CACHD1: variants seen among roughly 807,000 people sequenced by gnomAD.
The protein encoded by CACHD1 is VWFA and cache domain-containing protein 1.
Under a neutral mutation model 138.7 loss-of-function variants are expected in CACHD1, and 71 were observed. The ratio of observed to expected loss-of-function variants is 0.51; its 90% confidence interval spans 0.42 to 0.62. CACHD1 has a LOEUF of 0.62. Among genes scored for constraint, CACHD1 ranks in the 20% least tolerant of loss-of-function variants. The pLI, the probability that CACHD1 is intolerant of heterozygous loss-of-function variation, is 0.00. For missense variants in CACHD1, 1,389 were observed against 1,625.3 expected (o/e 0.85, Z 2.50); for synonymous variants, 578 against 591.5 (o/e 0.98, Z 0.33).
intron 2 of CACHD1, among the ~76,000 whole-genome samples, chr1:64,574,616 C>T (rs2100519376): frequency 6.6e-6 from 1 of 152,272 alleles, no homozygotes; most frequent in East Asian, 1.9e-4. Flanking sequence ...GTTCCTCAAA[C>T]AATAATAACC....
chr1:64,505,525 T>A (rs1293724729), intron 1 of CACHD1, among the ~76,000 whole-genome samples: 1 of 139,032 alleles, frequency 7.2e-6, no homozygotes, highest in Admixed American at 7.1e-5. Flanking sequence ...AGAAGGGACC[T>A]CCCCGCCCCC....
At chr1:64,535,420 G>A (rs1260670859) in intron 1 of CACHD1, among the ~76,000 whole-genome samples, 2 of 151,222 alleles carry the variant, frequency 1.3e-5, no homozygotes, top group African/African-American at 4.9e-5. Flanking sequence ...CTGCCTCCTG[G>A]GTTCAAGTGA....
At chr1:64,477,683 G>A (rs1249255451) in intron 1 of CACHD1, among the ~76,000 whole-genome samples, 4 of 148,974 alleles carry the variant, frequency 2.7e-5, no homozygotes, top group African/African-American at 1.0e-4. Flanking sequence ...GCCGGACTGC[G>A]GACTGCAGTG....
At chr1:64,507,803 G>T (rs754311017) in intron 1 of CACHD1, among the ~76,000 whole-genome samples, 22 of 152,178 alleles carry the variant, frequency 1.4e-4, no homozygotes, top group Non-Finnish European at 2.8e-4. Context: ...GAAGACTTGA[G>T]TTCAAACCAC....
At chr1:64,578,040 G>T (rs1646982956) in intron 2 of CACHD1, among the ~76,000 whole-genome samples, 2 of 152,160 alleles carry the variant, frequency 1.3e-5, no homozygotes, top group South Asian at 4.1e-4. Flanking sequence ...CAGAGTTGAG[G>T]ACCTTTTAAC....
At chr1:64,477,952 G>A (rs963389040) in intron 1 of CACHD1, among the ~76,000 whole-genome samples, 4 of 152,052 alleles carry the variant, frequency 2.6e-5, no homozygotes, top group African/African-American at 9.7e-5. Context: ...TTATTTTGAA[G>A]CAAATTCCAA....
Position 64,550,459 on chromosome 1 carries a change from CTG to C in CACHD1, c.199-133_199-132del, listed in dbSNP as rs1164690263. ...CTTTGGCTGATACTTGGGTTTCTCT[CTG>C]TAAAATTACTGCATTTTAATTAAAT... is the stretch of plus-strand genomic sequence containing the variant. On this transcript the variant is annotated intron_variant, in intron 1 of 26. Coordinates refer to ENST00000651257, the MANE Select transcript of CACHD1 (RefSeq NM_020925.4). 7.4e-5 allele frequency: 46 copies of C among 618,538 alleles called. No homozygotes were observed. In the East Asian group the frequency reaches 1.3e-3, roughly 18 times the overall value. 38.3% of individuals were successfully genotyped at this position (618,538 alleles called of 1,614,324 possible).
At chr1:64,683,490 C>T (rs1650254681) in intron 26 of CACHD1, among the ~76,000 whole-genome samples, 1 of 152,176 alleles carries the variant, frequency 6.6e-6, no homozygotes, top group Admixed American at 6.5e-5. Flanking sequence ...CTCTGTTCCT[C>T]AATAGGAATT....
intron 5 of CACHD1, among the ~76,000 whole-genome samples, chr1:64,630,316 T>TC (rs66481364): frequency 1.3e-5 from 2 of 151,642 alleles, no homozygotes; most frequent in South Asian, 2.1e-4. Context: ...TTTTTTTTTT[T>TC]CCTGAGATGG....
chr1:64,499,129 C>T lies in CACHD1; in HGVS notation c.198+28187C>T, dbSNP rs557031977. Among the ~76,000 whole-genome samples the T allele has an allele frequency of 2.0e-5, 3 of 152,248 alleles. No individual in the cohort carries two copies. The South Asian group carries it at 6.2e-4, about 32-fold the overall frequency. On this transcript the variant is annotated intron_variant, in intron 1 of 26. Coordinates refer to ENST00000651257, the MANE Select transcript of CACHD1 (RefSeq NM_020925.4). ...GTCTTGATGTTTCTTGAAGTCATGA[C>T]AAGCCTCTGGACACGGTGTTTTACC...
intron 26 of CACHD1, among the ~76,000 whole-genome samples, chr1:64,690,684 A>G (rs184630080): frequency 2.0e-5 from 3 of 152,302 alleles, no homozygotes; most frequent in Non-Finnish European, 4.4e-5. Context: ...TCTGATCATC[A>G]TTTCCCTGAA....
At chr1:64,635,077 T>C (rs943349012) in intron 7 of CACHD1, among the ~76,000 whole-genome samples, 1 of 151,028 alleles carries the variant, frequency 6.6e-6, no homozygotes, top group Non-Finnish European at 1.5e-5. Context: ...GAGTGTTAAC[T>C]GCGTTTTTCT....
intron 1 of CACHD1, among the ~76,000 whole-genome samples, chr1:64,507,607 CAGACAGCCCAGGAGATAGA>C (rs923699450): frequency 6.6e-6 from 1 of 152,086 alleles, no homozygotes; most frequent in Non-Finnish European, 1.5e-5. Flanking sequence ...TAGGAATCCG[CAGACAGCCCAGGAGATAGA>C]GAATGTGGAA....
chr1:64,524,555 A>T (rs1348236137), intron 1 of CACHD1, among the ~76,000 whole-genome samples: 1 of 152,212 alleles, frequency 6.6e-6, no homozygotes, highest in African/African-American at 2.4e-5. Context: ...ACTTAACTGT[A>T]TAAAAATACT....
At chr1:64,643,495 C>G (rs1292971575) in intron 8 of CACHD1, among the ~76,000 whole-genome samples, 1 of 152,058 alleles carries the variant, frequency 6.6e-6, no homozygotes. Context: ...AATAAATAAG[C>G]AATATATGAT....
chr1:64,685,769 T>C (rs1332769487), intron 26 of CACHD1, among the ~76,000 whole-genome samples: 1 of 150,430 alleles, frequency 6.6e-6, no homozygotes, highest in Non-Finnish European at 1.5e-5. Context: ...GCCCAGGAGG[T>C]CAAGGTTGCA....
chr1:64,664,804 A>C lies in CACHD1; in HGVS notation c.2276+125A>C, dbSNP rs1368495486. ...GAAGATACTTTCATGGTGGTGAAAA[A>C]TGTTCCTGAATAGTTTTTTCAGTGC... On this transcript the variant is annotated intron_variant, in intron 15 of 26. Transcript: ENST00000651257. 5 of 814,386 alleles carry C rather than the reference A, an allele frequency of 6.1e-6. No homozygotes were observed. In the East Asian group the frequency reaches 1.3e-4, roughly 22 times the overall value. The allele number at this position is 814,386 out of a possible 1,614,324, so 50.4% of individuals were successfully genotyped here.
intron 2 of CACHD1, among the ~76,000 whole-genome samples, chr1:64,554,045 T>C (rs528728431): frequency 9.8e-5 from 15 of 152,314 alleles, no homozygotes; most frequent in African/African-American, 3.1e-4. Context: ...TGTTTTGTTT[T>C]TTAAGAGACA....
At chr1:64,566,483 C>CCCCT (rs1553133831) in intron 2 of CACHD1, among the ~76,000 whole-genome samples, 2 of 141,028 alleles carry the variant, frequency 1.4e-5, no homozygotes, top group South Asian at 2.5e-4. Flanking sequence ...TTCAATTCCC[C>CCCCT]CCCCCCCACA....
Sources: allele counts gnomAD v4.1 joint callset (sites outside exome capture counted in the v4.1 genomes callset), GRCh38; gene constraint gnomAD v4.1.1; transcripts MANE v1.5; gene names NCBI Gene and HGNC (gene_info 2026-07-23, HGNC 2026-07-21).